RTCA: variants seen among roughly 807,000 people sequenced by gnomAD.
The protein encoded by RTCA is RNA terminal phosphate cyclase domain 1.
Under a neutral mutation model 46.1 loss-of-function variants are expected in RTCA, and 37 were observed. That is an observed-to-expected ratio of 0.80 (90% CI 0.62 to 1.06). The LOEUF is 1.06. Among genes scored for constraint, RTCA ranks in the 50% least tolerant of loss-of-function variants. The pLI is 0.00. For missense variants in RTCA, 435 were observed against 455.5 expected (o/e 0.95, Z 0.41); for synonymous variants, 164 against 158.3 (o/e 1.04, Z -0.27).
At chr1:100,285,357 T>A in intron 9 of RTCA, 35 bp downstream of exon 9, 2 of 1,410,274 alleles carry the variant, frequency 1.4e-6, no homozygotes, top group Non-Finnish European at 2.0e-6. Context: ...CCCTCTAACC[T>A]GTTAGATTTG....
intron 8 of RTCA, 72 bp from the exon 9 acceptor site, chr1:100,285,156 A>G: frequency 7.4e-7 from 1 of 1,343,162 alleles, no homozygotes; most frequent in Non-Finnish European, 1.1e-6. Flanking sequence ...GATATACCAA[A>G]CTTTTTGTCT....
chr1:100,267,436 G>A (rs536330786), intron 2 of RTCA: 2 of 1,413,990 alleles, frequency 1.4e-6, no homozygotes, highest in Non-Finnish European at 1.9e-6. Flanking sequence ...GTTTGCTAGG[G>A]CTGCCATAAC....
intron 8 of RTCA, chr1:100,281,324 G>C: frequency 1.9e-6 from 1 of 526,176 alleles, no homozygotes; most frequent in South Asian, 1.4e-5. Context: ...TGTTATGATA[G>C]AGAGCACTAA....
intron 6 of RTCA, 78 bp downstream of exon 6, chr1:100,275,043 A>T (rs1666299409): frequency 7.3e-7 from 1 of 1,378,870 alleles, no homozygotes. Flanking sequence ...TTTTGAAATT[A>T]TTGAGAGAAC....
Position 100,268,213 on chromosome 1 carries a change from G to T in RTCA, c.208G>T (p.Ala70Ser). Residue 70 changes from alanine to serine, a missense_variant, in exon 3 of 11, where the codon GCA becomes TCA. Physicochemically the swap from Ala to Ser is moderately conservative, Grantham distance 99 (BLOSUM62 1). Transcript: ENST00000370128. The stretch of plus-strand genomic sequence containing the variant: ...TTTGTGTGATGGGCAACTGGAGGGG[G>T]CAGAAATTGGCTCAACAGAAATAAC... ...RDLCDGQLEG[A>S]EIGSTEITFT... 6.2e-7 allele frequency: 1 copy of T among 1,614,162 alleles called. No individual in the cohort carries two copies. The highest frequency in any genetic ancestry group is 1.1e-5 in the South Asian group (1 of 91,088).
At chr1:100,286,168 C>T (rs1440905126) in intron 9 of RTCA, among the ~76,000 whole-genome samples, 5 of 152,090 alleles carry the variant, frequency 3.3e-5, no homozygotes, top group Non-Finnish European at 5.9e-5. Context: ...AAACTTAGCA[C>T]GTTGCATGGC....
chr1:100,289,300 T>TTTTTTG (rs1442029276), intron 10 of RTCA, among the ~76,000 whole-genome samples: 5 of 151,386 alleles, frequency 3.3e-5, no homozygotes, highest in African/African-American at 1.2e-4. Flanking sequence ...TGCTAATTTT[T>TTTTTTG]TTTTTGTTTT....
Position 100,268,224 on chromosome 1 carries a change from C to T in RTCA, c.219C>T (p.Gly73=), listed in dbSNP as rs1194283473. ...GGCAACTGGAGGGGGCAGAAATTGGCTCAACAGAAATAACCTTTACACCAG... is the reference window on the plus strand; with the variant it reads ...GGCAACTGGAGGGGGCAGAAATTGGTTCAACAGAAATAACCTTTACACCAG... ...CDGQLEGAEI[G]STEITFTPEK... Residue 73 remains glycine, a synonymous_variant, in exon 3 of 11, where the codon GGC becomes GGT. Coordinates refer to ENST00000370128, the MANE Select transcript of RTCA (RefSeq NM_003729.4). 1.2e-6 allele frequency: 2 copies of T among 1,613,976 alleles called. No homozygotes were observed. Among genetic ancestry groups the T allele is most frequent in the African/African-American group, 2.7e-5 (2 of 74,878 alleles).
chr1:100,277,688 T>C (rs1039335049), intron 8 of RTCA, among the ~76,000 whole-genome samples: 1 of 152,176 alleles, frequency 6.6e-6, no homozygotes, highest in Non-Finnish European at 1.5e-5. Flanking sequence ...ACTACATAAT[T>C]ATAATACCAT....
chr1:100,275,824 A>T (rs1666338647), intron 7 of RTCA, 101 bp downstream of exon 7: 1 of 1,039,630 alleles, frequency 9.6e-7, no homozygotes, highest in African/African-American at 1.7e-5. Context: ...TTATAGTTTT[A>T]AGAAGTATTT....
At chr1:100,270,035 C>T (rs12029635) in intron 3 of RTCA, among the ~76,000 whole-genome samples, 2 of 151,992 alleles carry the variant, frequency 1.3e-5, no homozygotes, top group East Asian at 1.9e-4. Flanking sequence ...TTTATGGCTG[C>T]GTAAAATATT....
chr1:100,289,671 T>A (rs1667245947), intron 10 of RTCA, among the ~76,000 whole-genome samples: 1 of 152,228 alleles, frequency 6.6e-6, no homozygotes, highest in Non-Finnish European at 1.5e-5. Flanking sequence ...TTCATTATAT[T>A]CTTTACTTTT....
intron 3 of RTCA, among the ~76,000 whole-genome samples, chr1:100,269,363 CTTTTT>C (rs61660356): frequency 3.2e-5 from 4 of 123,294 alleles, no homozygotes; most frequent in Non-Finnish European, 5.2e-5. Context: ...AGCTATCAGT[CTTTTT>C]TTTTTTTTTT....
intron 3 of RTCA, among the ~76,000 whole-genome samples, chr1:100,269,387 C>G (rs1165411805): frequency 6.9e-6 from 1 of 144,078 alleles, no homozygotes; most frequent in Non-Finnish European, 1.5e-5. Context: ...TTTTTGGTCT[C>G]CCAGGCTGGA....
intron 9 of RTCA, among the ~76,000 whole-genome samples, chr1:100,286,369 G>T (rs373038822): frequency 1.8e-4 from 27 of 150,886 alleles, no homozygotes; most frequent in African/African-American, 6.1e-4. Context: ...CAGGAGAAAG[G>T]CGTGAACCTG....
Position 100,281,871 on chromosome 1 carries a change from C to T in RTCA, c.800-3357C>T, listed in dbSNP as rs557623948. Reference sequence around the variant, plus strand: ...AGCTGGGATTACAAGTGTGTGCCACCATGCCGGCTAATTTTTGTATTTTTG... The same window carrying T: ...AGCTGGGATTACAAGTGTGTGCCACTATGCCGGCTAATTTTTGTATTTTTG... On this transcript the variant is annotated intron_variant, in intron 8 of 10. Coordinates refer to ENST00000370128, the MANE Select transcript of RTCA (RefSeq NM_003729.4). 5.3e-5 allele frequency among the ~76,000 whole-genome samples: 8 copies of T among 152,176 alleles called. No homozygotes were observed. The East Asian group carries it at 1.5e-3, about 29-fold the overall frequency.
intron 2 of RTCA, chr1:100,267,950 C>T (rs1043933856): frequency 3.2e-6 from 2 of 619,266 alleles, no homozygotes; most frequent in Non-Finnish European, 5.5e-6. Context: ...AACTGGTCTG[C>T]AAGGAAGTGT....
intron 9 of RTCA, among the ~76,000 whole-genome samples, chr1:100,286,595 C>G (rs912806469): frequency 6.6e-6 from 1 of 150,796 alleles, no homozygotes; most frequent in African/African-American, 2.4e-5. Context: ...ATACTTTTGT[C>G]TCCTTAGTCC....
intron 2 of RTCA, chr1:100,267,319 A>T: frequency 3.7e-6 from 2 of 543,854 alleles, no homozygotes; most frequent in Non-Finnish European, 5.8e-6. Flanking sequence ...TGAAATTACC[A>T]AAAGGCAATT....
Sources: gnomAD v4.1 joint callset for allele counts (sites outside exome capture counted in the v4.1 genomes callset) on GRCh38, gnomAD v4.1.1 for gene constraint, MANE v1.5 for transcripts, NCBI Gene and HGNC (gene_info 2026-07-23, HGNC 2026-07-21) for gene names.